NMNAT3: variants seen among roughly 807,000 people sequenced by gnomAD.
NMNAT3 encodes the protein nicotinamide nucleotide adenylyltransferase 3.
A neutral mutation model predicts 24.8 loss-of-function variants in NMNAT3; 21 were observed. The ratio of observed to expected loss-of-function variants is 0.85; its 90% CI spans 0.60 to 1.22. NMNAT3 has a LOEUF of 1.22. Ranked by LOEUF, NMNAT3 falls within the 50% of genes most tolerant of loss-of-function variation. The pLI is 0.00. For missense variants in NMNAT3, 387 were observed against 436.6 expected (o/e 0.89, Z 1.01); for synonymous variants, 136 against 155.2 (o/e 0.88, Z 0.92).
intron 2 of NMNAT3, chr3:139,637,432 T>G (rs1173914594): frequency 2.0e-5 from 3 of 152,198 alleles, no homozygotes; most frequent in Non-Finnish European, 4.4e-5. Context: ...ACAACTATAG[T>G]GAGCTAGAAA....
At chr3:139,643,224 A>G (rs1165148629) in intron 1 of NMNAT3, among the ~76,000 whole-genome samples, 6 of 152,230 alleles carry the variant, frequency 3.9e-5, no homozygotes, top group Non-Finnish European at 1.5e-5. Context: ...CAAGTGTTGC[A>G]AGAATGTGGA....
Position 139,561,087 on chromosome 3 carries a change from T to C in NMNAT3, c.964A>G (p.Lys322Glu), listed in dbSNP as rs1470926675. The change falls in exon 7 of 7, where the codon AAG becomes GAG. Residue 322 changes from lysine (K) to glutamate (E), a missense_variant. Lys to Glu is a moderately conservative substitution (Grantham distance 56, BLOSUM62 1). Around this residue, in one of 3 missense-constraint regions of NMNAT3, gnomAD observed 323 missense variants for 345.2 expected, o/e 0.94. Coordinates refer to ENST00000643695, the MANE Select transcript of NMNAT3 (RefSeq NM_001320510.2). ...CCCTTGGTGTAGAGGCCATGGTCCTTGATGTACGTGATGACAGCATCGGGA... is the reference window on the plus strand; with the variant it reads ...CCCTTGGTGTAGAGGCCATGGTCCTCGATGTACGTGATGACAGCATCGGGA... 3.1e-6 allele frequency: 5 copies of C among 1,613,942 alleles called. No homozygotes were observed. The highest frequency in any genetic ancestry group is 1.7e-5 in the Admixed American group (1 of 59,990).
intron 3 of NMNAT3, among the ~76,000 whole-genome samples, chr3:139,587,453 A>T (rs772333214): frequency 3.3e-5 from 5 of 152,120 alleles, no homozygotes; most frequent in Non-Finnish European, 5.9e-5. Context: ...AGTGCCTAAG[A>T]TTAAGGACAG....
At chr3:139,632,953 G>C (rs1429463298) in intron 2 of NMNAT3, among the ~76,000 whole-genome samples, 1 of 152,112 alleles carries the variant, frequency 6.6e-6, no homozygotes, top group Non-Finnish European at 1.5e-5. Flanking sequence ...CCCATAAAGA[G>C]GGCAGCAACG....
At chr3:139,563,229 A>G (rs1044793366) in intron 6 of NMNAT3, among the ~76,000 whole-genome samples, 1 of 152,218 alleles carries the variant, frequency 6.6e-6, no homozygotes, top group African/African-American at 2.4e-5. Flanking sequence ...ACATATGTAT[A>G]TTTGAACGGT....
intron 2 of NMNAT3, chr3:139,635,913 A>C (rs892008553): frequency 1.3e-5 from 2 of 152,198 alleles, no homozygotes; most frequent in African/African-American, 4.8e-5. Flanking sequence ...TTAAAAGGGA[A>C]AGGCATACCT....
At chr3:139,589,150 TTGCAGGAATTGTA>T (rs1416751145) in intron 3 of NMNAT3, among the ~76,000 whole-genome samples, 1 of 152,208 alleles carries the variant, frequency 6.6e-6, no homozygotes, top group Non-Finnish European at 1.5e-5. Context: ...TATGCAGGAT[TTGCAGGAATTGTA>T]TGCAGGAATT....
chr3:139,606,196 G>T (rs1469508372), intron 3 of NMNAT3, among the ~76,000 whole-genome samples: 1 of 152,062 alleles, frequency 6.6e-6, no homozygotes, highest in Non-Finnish European at 1.5e-5. Context: ...CAGTTCAATC[G>T]AGGATCTCAC....
intron 6 of NMNAT3, chr3:139,570,963 G>A (rs1938186452): frequency 6.5e-6 from 1 of 152,836 alleles, no homozygotes; most frequent in Non-Finnish European, 1.5e-5. Flanking sequence ...GAGGCAGGCA[G>A]GCCTCCTTGA....
chr3:139,561,477 C>T, intron 6 of NMNAT3, 85 bp from the exon 7 acceptor site: 1 of 1,301,254 alleles, frequency 7.7e-7, no homozygotes, highest in Non-Finnish European at 1.0e-6. Flanking sequence ...TCACAAAATG[C>T]TTTTCTTGGA....
intron 6 of NMNAT3, chr3:139,569,144 A>G (rs1438928172): frequency 4.7e-5 from 7 of 148,362 alleles, no homozygotes; most frequent in Non-Finnish European, 8.9e-5. Context: ...AGTCTGTTTT[A>G]TCAGAGACTA....
At chr3:139,567,529 A>G (rs1238420043) in intron 6 of NMNAT3, 1 of 152,076 alleles carries the variant, frequency 6.6e-6, no homozygotes, top group African/African-American at 2.4e-5. Flanking sequence ...TTTGAGATAC[A>G]TCCCATCAAT....
In NMNAT3 at chr3:139,677,780, C is replaced by G. The variant is rs1242789758; in HGVS notation, c.-216G>C. On this transcript the variant is annotated 5_prime_UTR_variant, in exon 1 of 7. Coordinates refer to ENST00000643695, the MANE Select transcript of NMNAT3 (RefSeq NM_001320510.2). Reference sequence around the variant, plus strand: ...CGGGGGACTAGGGGACCTGCTGGGCCTAGCAGGGGCTGTCGGTCAGCGCGC... The same window carrying G: ...CGGGGGACTAGGGGACCTGCTGGGCGTAGCAGGGGCTGTCGGTCAGCGCGC... 1 of 152,370 alleles carries G rather than the reference C, an allele frequency of 6.6e-6. No homozygotes were observed. The highest frequency in any genetic ancestry group is 2.1e-4 in the South Asian group (1 of 4,828). 9.4% of individuals were successfully genotyped at this position (152,370 alleles called of 1,614,324 possible). A position where few individuals can be genotyped will look rare whatever the true frequency, so the allele number is the denominator to read the frequency against.
At chr3:139,564,057 T>C (rs1288332169) in intron 6 of NMNAT3, among the ~76,000 whole-genome samples, 2 of 152,174 alleles carry the variant, frequency 1.3e-5, no homozygotes, top group Non-Finnish European at 2.9e-5. Flanking sequence ...ACACCAATCT[T>C]GAGGTCAGTC....
intron 1 of NMNAT3, among the ~76,000 whole-genome samples, chr3:139,673,432 C>T (rs775224359): frequency 6.6e-5 from 10 of 152,196 alleles, no homozygotes; most frequent in African/African-American, 1.7e-4. Flanking sequence ...TGGCAGCATA[C>T]ACCACTGCTT....
At chr3:139,568,035 T>C (rs1937524436) in intron 6 of NMNAT3, 2 of 152,236 alleles carry the variant, frequency 1.3e-5, no homozygotes, top group East Asian at 1.9e-4. Flanking sequence ...TATTGGTCTA[T>C]TCAGAGATTC....
At chr3:139,608,017 C>G (rs1015212012) in intron 3 of NMNAT3, among the ~76,000 whole-genome samples, 1 of 152,196 alleles carries the variant, frequency 6.6e-6, no homozygotes, top group African/African-American at 2.4e-5. Context: ...TTACCTCACT[C>G]TGTTTTATCT....
intron 1 of NMNAT3, among the ~76,000 whole-genome samples, chr3:139,640,384 G>A (rs1478756517): frequency 2.6e-5 from 4 of 152,190 alleles, no homozygotes; most frequent in African/African-American, 9.7e-5. Flanking sequence ...GGTGACAGTT[G>A]TCTCCCCTAT....
At chr3:139,648,467 A>G (rs1251906291) in intron 1 of NMNAT3, among the ~76,000 whole-genome samples, 1 of 152,250 alleles carries the variant, frequency 6.6e-6, no homozygotes, top group Non-Finnish European at 1.5e-5. Flanking sequence ...GGCTGAAGGC[A>G]TGAGAAAAAA....
Sources: allele counts gnomAD v4.1 joint callset (sites outside exome capture counted in the v4.1 genomes callset), GRCh38; gene constraint gnomAD v4.1.1; regional missense constraint gnomAD v4.1.1; transcripts MANE v1.5; gene names NCBI Gene and HGNC (gene_info 2026-07-23, HGNC 2026-07-21).